RAPH1: variants seen among roughly 807,000 people sequenced by gnomAD.
The protein encoded by RAPH1 is Ras association (RalGDS/AF-6) and pleckstrin homology domains 1, also known as ras-associated and pleckstrin homology domains-containing protein 1.
A neutral mutation model predicts 88.1 loss-of-function variants in RAPH1; 18 were observed. That is an observed-to-expected ratio of 0.20 (90% CI 0.14 to 0.30). The LOEUF (loss-of-function observed/expected upper bound fraction) is 0.30. Ranked by LOEUF, RAPH1 falls within the 10% of genes least tolerant of loss-of-function variation. The probability of loss-of-function intolerance (pLI) is 1.00; values close to 1 mark genes in which losing one functional copy is unlikely to be tolerated. For missense variants in RAPH1, 1,448 were observed against 1,543.2 expected (o/e 0.94, Z 1.03); for synonymous variants, 587 against 559.0 (o/e 1.05, Z -0.71).
At position 203,529,638 on chromosome 2, in the gene RAPH1, C is replaced by T. The variant is rs943739862; in HGVS notation, c.-1+5473G>A. ...TTGGCTTCCCAAAGTGCTGGGATTA[C>T]AGGCATGAGCCACTGCACCCGGCCA... On this transcript the variant is annotated intron_variant, in intron 1 of 13. Coordinates refer to ENST00000319170, the MANE Select transcript of RAPH1 (RefSeq NM_213589.3). 2.6e-5 allele frequency among the ~76,000 whole-genome samples: 4 copies of T among 152,022 alleles called. No homozygotes were observed. The South Asian group carries it at 8.3e-4, about 32-fold the overall frequency.
intron 1 of RAPH1, among the ~76,000 whole-genome samples, chr2:203,530,329 T>C (rs1446221888): frequency 6.6e-6 from 1 of 152,232 alleles, no homozygotes; most frequent in Non-Finnish European, 1.5e-5. Flanking sequence ...ATTATGTTAA[T>C]TTATTGTAAA....
In RAPH1 at chr2:203,440,566, G is replaced by T; in HGVS notation, c.2624C>A (p.Pro875His). 1 of 1,549,820 alleles carries T rather than the reference G, an allele frequency of 6.5e-7. No individual in the cohort carries two copies. Among genetic ancestry groups the T allele is most frequent in the Non-Finnish European group, 8.7e-7 (1 of 1,147,738 alleles). ...IASQFPPPPT[P>H]PAMESQPLKP... ...TAAGGGCTGAGATTCCATGGCAGGG[G>T]GAGTTGGAGGGGGTGGAAACTGGCT... The change falls in exon 14 of 14, where the codon CCC (proline) becomes CAC (histidine). Residue 875 changes from proline (P) to histidine (H), a missense_variant. Pro to His is a moderately conservative substitution (Grantham distance 77). Coordinates refer to ENST00000319170, the MANE Select transcript of RAPH1 (RefSeq NM_213589.3).
intron 4 of RAPH1, among the ~76,000 whole-genome samples, chr2:203,485,840 C>T (rs1687942530): frequency 6.6e-6 from 1 of 152,066 alleles, no homozygotes; most frequent in South Asian, 2.1e-4. Flanking sequence ...AAACATCCTA[C>T]AGTGCATGGG....
In RAPH1 at chr2:203,441,051, AGGGGGT is replaced by A; in HGVS notation, c.2133_2138del (p.Pro718_Pro719del). ...CTGGGGTTGGGGGTGGAGGAGGGGG[AGGGGGT>A]GGTGGAACAACTCCATTGGGGGGTA... is the stretch of plus-strand genomic sequence containing the variant. On this transcript the variant is annotated inframe_deletion, in exon 14 of 14. Coordinates refer to ENST00000319170, the MANE Select transcript of RAPH1 (RefSeq NM_213589.3). The A allele has an allele frequency of 6.2e-6, 2 of 323,160 alleles. No individual in the cohort carries two copies. Among genetic ancestry groups the A allele is most frequent in the African/African-American group, 1.1e-4 (1 of 9,270 alleles). The allele number at this position is 323,160 out of a possible 1,614,324, so 20.0% of individuals were successfully genotyped here.
At chr2:203,464,783 A>C (rs1309911709) in intron 4 of RAPH1, among the ~76,000 whole-genome samples, 1 of 152,216 alleles carries the variant, frequency 6.6e-6, no homozygotes, top group Non-Finnish European at 1.5e-5. Context: ...AAAGAGAGAG[A>C]GAGCTCTTAA....
chr2:203,438,395 C>T lies in RAPH1; in HGVS notation c.*1042G>A. 2.9e-6 allele frequency: 1 copy of T among 348,706 alleles called. No individual in the cohort carries two copies. Among genetic ancestry groups the T allele is most frequent in the Admixed American group, 3.9e-5 (1 of 25,508 alleles). The allele number at this position is 348,706 out of a possible 1,614,324, so 21.6% of individuals were successfully genotyped here. ...AAATGATTTTGTTTTTCATAATGCA[C>T]CATATTGGGGCACAGGATGTGTATA... is the stretch of plus-strand genomic sequence containing the variant. On this transcript the variant is annotated 3_prime_UTR_variant, in exon 14 of 14. Coordinates refer to ENST00000319170, the MANE Select transcript of RAPH1 (RefSeq NM_213589.3).
In RAPH1 at chr2:203,441,574, G is replaced by A. The variant is rs116906657; in HGVS notation, c.1777-161C>T. 3.1e-4 allele frequency: 417 copies of A among 1,366,806 alleles called. 1 individual carries two copies. The East Asian group carries it at 9.7e-3, about 32-fold the overall frequency. 84.7% of individuals were successfully genotyped at this position (1,366,806 alleles called of 1,614,324 possible). A position where few individuals can be genotyped will look rare whatever the true frequency, so the allele number is the denominator to read the frequency against. The stretch of plus-strand genomic sequence containing the variant: ...GTGATCATAAAGATGGACAATGTCA[G>A]GAAGGCTAAAATCTGATTGTGCGGG... On this transcript the variant is annotated intron_variant, in intron 13 of 13. Transcript: ENST00000319170.
chr2:203,493,233 A>G (rs1426543644), intron 2 of RAPH1, among the ~76,000 whole-genome samples: 2 of 152,198 alleles, frequency 1.3e-5, no homozygotes, highest in Non-Finnish European at 2.9e-5. Context: ...TCACACTTTT[A>G]TGTCAGGCAA....
chr2:203,512,223 G>A (rs1326896402), intron 1 of RAPH1, among the ~76,000 whole-genome samples: 2 of 151,812 alleles, frequency 1.3e-5, no homozygotes, highest in African/African-American at 4.8e-5. Flanking sequence ...GAGGTCAGAA[G>A]TTGGAGCCCA....
chr2:203,469,255 C>T (rs1329685068), intron 4 of RAPH1, among the ~76,000 whole-genome samples: 1 of 152,106 alleles, frequency 6.6e-6, no homozygotes, highest in Non-Finnish European at 1.5e-5. Flanking sequence ...TAGACTTAGA[C>T]TTCTACACTG....
At chr2:203,444,683 G>C (rs557326097) in intron 13 of RAPH1, 185 bp downstream of exon 13, 8 of 457,534 alleles carry the variant, frequency 1.7e-5, no homozygotes, top group African/African-American at 1.0e-4. Context: ...TCATTTCCAA[G>C]GGGAAGTCAA....
rs1215172218 is a variant in RAPH1 at position 203,489,872 on chromosome 2, A to C, written c.444T>G (p.His148Gln). 5 of 1,614,252 alleles carry C rather than the reference A, an allele frequency of 3.1e-6. No homozygotes were observed. In the East Asian group the frequency reaches 1.1e-4, roughly 36 times the overall value. Residue 148 changes from histidine to glutamine, a missense_variant, in exon 4 of 14, where the codon CAT (histidine) becomes CAG (glutamine). By Grantham distance (24) the His-to-Gln change is conservative. This residue lies in a region of RAPH1 where 513 missense variants were observed against 653.1 expected (regional missense o/e 0.79). Transcript: ENST00000319170. The part of the protein sequence containing the change: ...SSSNRIAKPS[H>Q]ASYSLDDVTA... ...TGACGTCGTCCAAGGAGTAGCTGGC[A>C]TGGGAAGGTTTAGCTATCCTATTAG... is the stretch of plus-strand genomic sequence containing the variant.
Position 203,454,904 on chromosome 2 carries a change from G to A in RAPH1, c.1303-364C>T, listed in dbSNP as rs367615744. 6.4e-4 allele frequency among the ~76,000 whole-genome samples: 98 copies of A among 152,316 alleles called. 1 individual carries two copies. The South Asian group carries it at 1.0e-2, about 15-fold the overall frequency. Reference sequence around the variant, plus strand: ...GTCGTTCAGTGCCTATAATGCATATGTAAAGTATAGTGATTCGCAACTGGT... The same window carrying A: ...GTCGTTCAGTGCCTATAATGCATATATAAAGTATAGTGATTCGCAACTGGT... On this transcript the variant is annotated intron_variant, in intron 9 of 13. Transcript: ENST00000319170.
chr2:203,517,915 A>T (rs990006880), intron 1 of RAPH1, among the ~76,000 whole-genome samples: 4 of 152,188 alleles, frequency 2.6e-5, no homozygotes, highest in African/African-American at 9.6e-5. Flanking sequence ...ATTAGAAAAG[A>T]GGACCTAAAA....
chr2:203,534,088 G>T (rs2106026670), intron 1 of RAPH1, among the ~76,000 whole-genome samples: 1 of 152,266 alleles, frequency 6.6e-6, no homozygotes, highest in East Asian at 1.9e-4. Flanking sequence ...CCCATGGACT[G>T]ACTCTTTAAT....
chr2:203,510,917 GAGTAAATATTATGTATATCTCAATTTAAA>G (rs2105923244), intron 1 of RAPH1, among the ~76,000 whole-genome samples: 1 of 152,200 alleles, frequency 6.6e-6, no homozygotes, highest in East Asian at 1.9e-4. Flanking sequence ...TTTAAAAAAA[GAGTAAATATTATGTATATCTCAATTTAAA>G]AAAAACTAAA....
chr2:203,516,914 G>C (rs1461450994), intron 1 of RAPH1, among the ~76,000 whole-genome samples: 1 of 151,804 alleles, frequency 6.6e-6, no homozygotes, highest in East Asian at 1.9e-4. Flanking sequence ...GGCGCCTGTA[G>C]TTCCAGCTAC....
intron 4 of RAPH1, among the ~76,000 whole-genome samples, chr2:203,484,103 T>C (rs2105799235): frequency 1.3e-5 from 2 of 152,260 alleles, no homozygotes; most frequent in South Asian, 4.1e-4. Context: ...AGAAATATAA[T>C]ACACAATTAG....
Position 203,438,260 on chromosome 2 carries a change from C to T in RAPH1, c.*1177G>A. ...CATACTTAATGAGCTTTTTGTATTA[C>T]ATATTATAACCCATATACAACCAGA... On this transcript the variant is annotated 3_prime_UTR_variant, in exon 14 of 14. Transcript: ENST00000319170. 4.1e-6 allele frequency: 2 copies of T among 484,702 alleles called. No individual in the cohort carries two copies. The highest frequency in any genetic ancestry group is 1.5e-5 in the South Asian group (1 of 66,342). The allele number at this position is 484,702 out of a possible 1,614,324, so 30.0% of individuals were successfully genotyped here.
Sources: allele counts gnomAD v4.1 joint callset (sites outside exome capture counted in the v4.1 genomes callset), GRCh38; gene constraint gnomAD v4.1.1; regional missense constraint gnomAD v4.1.1; transcripts MANE v1.5; gene names NCBI Gene and HGNC (gene_info 2026-07-23, HGNC 2026-07-21).